The following MEGF11 variants were observed in gnomAD, a reference collection of about 807,000 sequenced individuals.
MEGF11 encodes the protein multiple epidermal growth factor-like domains protein 11.
A neutral mutation model predicts 146.6 loss-of-function variants in MEGF11; 126 were observed. That is an observed-to-expected ratio of 0.86 (90% CI 0.74 to 1.00). MEGF11 has a LOEUF of 1.00. MEGF11 is among the 50% of genes least tolerant of loss of function. The pLI is 0.00. For synonymous variants in MEGF11, 532 were observed against 583.4 expected, an observed-to-expected ratio of 0.91 and a Z score of 1.27; for missense variants, 1,509 against 1,521.2, an observed-to-expected ratio of 0.99 and a Z score of 0.13.
At chr15:66,073,611 C>G (rs1050971114) in intron 5 of MEGF11, among the ~76,000 whole-genome samples, 1 of 152,232 alleles carries the variant, frequency 6.6e-6, no homozygotes, top group Non-Finnish European at 1.5e-5. Flanking sequence ...TGGTCCTCAC[C>G]TCCTCCAAGG....
chr15:66,049,451 T>C (rs1349998863), intron 5 of MEGF11, among the ~76,000 whole-genome samples: 1 of 152,152 alleles, frequency 6.6e-6, no homozygotes, highest in Non-Finnish European at 1.5e-5. Flanking sequence ...CTGCCTTCAC[T>C]GGGGGAACTA....
rs540812559 is a variant in MEGF11, at chr15:66,212,867, G to A, written c.-9+40738C>T. Among the ~76,000 whole-genome samples the A allele has an allele frequency of 2.9e-3, 435 of 152,322 alleles. 2 individuals are homozygous for A. Among genetic ancestry groups the A allele is most frequent in the Non-Finnish European group, 4.0e-3 (269 of 68,034 alleles). On this transcript the variant is annotated intron_variant, in intron 1 of 25. Transcript: ENST00000395614. ...GCTCCAGCAGTTTACCTTAAACCAC[G>A]GAACACAGAAGGTATCCAAAGGGAG...
chr15:65,988,873 C>T (rs1235291763), intron 5 of MEGF11, among the ~76,000 whole-genome samples: 1 of 152,184 alleles, frequency 6.6e-6, no homozygotes, highest in Non-Finnish European at 1.5e-5. Flanking sequence ...CTCAGCGGGG[C>T]ACAAGAAGAG....
rs2084549697 is a variant in MEGF11, at chr15:66,053,714, A to ATTTTTTTTTTTT, written c.394+40687_394+40688insAAAAAAAAAAAA. Among the ~76,000 whole-genome samples the ATTTTTTTTTTTT allele has an allele frequency of 4.0e-4, 17 of 42,268 alleles. 8 individuals are homozygous for ATTTTTTTTTTTT. Among genetic ancestry groups the ATTTTTTTTTTTT allele is most frequent in the Admixed American group, 8.5e-4 (2 of 2,340 alleles). 27.7% of individuals were successfully genotyped at this position (42,268 alleles called of 152,430 possible). A position where few individuals can be genotyped will look rare whatever the true frequency, so the allele number is the denominator to read the frequency against. The stretch of plus-strand genomic sequence containing the variant: ...ACTCAGCTCCCCCTCCCCTGGCACC[A>ATTTTTTTTTTTT]ATTTTTTTTTTTTTTTTTTTTTTTT... On this transcript the variant is annotated intron_variant, in intron 5 of 25. Transcript: ENST00000395614.
intron 21 of MEGF11, 140 bp downstream of exon 21, chr15:65,911,942 C>A (rs2078825188): frequency 2.4e-6 from 1 of 420,578 alleles, no homozygotes; most frequent in Admixed American, 4.4e-5. Context: ...CCACGGATTG[C>A]AAGGTTGCTT....
intron 1 of MEGF11, among the ~76,000 whole-genome samples, chr15:66,209,823 C>T (rs2091398224): frequency 6.7e-6 from 1 of 149,946 alleles, no homozygotes; most frequent in South Asian, 2.1e-4. Flanking sequence ...CTTGTGGTGA[C>T]AGAAATGTTT....
chr15:66,009,240 AGT>A (rs1567200185), intron 5 of MEGF11, among the ~76,000 whole-genome samples: 1 of 61,724 alleles, frequency 1.6e-5, no homozygotes. Context: ...CGTTAACCTA[AGT>A]TTTTTTTTTT....
chr15:66,002,625 A>G (rs1224270019), intron 5 of MEGF11, among the ~76,000 whole-genome samples: 1 of 152,238 alleles, frequency 6.6e-6, no homozygotes. Context: ...TAGAATGCAA[A>G]TGATAATAGC....
At chr15:66,123,782 T>A in intron 3 of MEGF11, 117 bp downstream of exon 3, 1 of 781,048 alleles carries the variant, frequency 1.3e-6, no homozygotes, top group Non-Finnish European at 2.2e-6. Context: ...TCTTGGGTGT[T>A]CAGAGTGGAG....
At chr15:65,942,215 C>T (rs1444824157) in intron 10 of MEGF11, among the ~76,000 whole-genome samples, 2 of 152,196 alleles carry the variant, frequency 1.3e-5, no homozygotes, top group African/African-American at 4.8e-5. Flanking sequence ...ATGATGGGGA[C>T]TCAAATGTCC....
intron 10 of MEGF11, among the ~76,000 whole-genome samples, chr15:65,950,584 GACACACACACACACACACACACACAC>G (rs57977250): frequency 6.7e-6 from 1 of 148,826 alleles, no homozygotes; most frequent in Non-Finnish European, 1.5e-5. Context: ...TAGACACACA[GACACACACACACACACACACACACAC>G]ACACACACAC....
chr15:66,094,425 C>T lies in MEGF11; in HGVS notation c.371G>A (p.Trp124Ter). 2 of 1,561,920 alleles carry T rather than the reference C, an allele frequency of 1.3e-6. No homozygotes were observed. The highest frequency in any genetic ancestry group is 1.2e-5 in the South Asian group (1 of 84,656). Residue 124 changes from tryptophan to a stop codon, truncating the protein, a stop_gained, in exon 5 of 26, where the codon TGG becomes TAG. Coordinates refer to ENST00000395614, the MANE Select transcript of MEGF11 (RefSeq NM_001385028.1). LOFTEE classifies it high-confidence loss of function. ...ACCGCTGGAGCAGTCGGGCCCTCCC[C>T]AGCCAGGCTCGCAGTGGCAGGTGTC... ...SPDTCHCEPG[W>*]GGPDCSSGCD...
chr15:66,066,097 G>A (rs1355143378), intron 5 of MEGF11, among the ~76,000 whole-genome samples: 1 of 152,254 alleles, frequency 6.6e-6, no homozygotes, highest in African/African-American at 2.4e-5. Flanking sequence ...GCATTGGATA[G>A]CTCTGTGGGT....
rs1462037075 is a variant in MEGF11, at chr15:65,909,024, G to C, written c.2998+10C>G. The C allele has an allele frequency of 2.6e-5, 40 of 1,523,802 alleles. No homozygotes were observed. In the Middle Eastern group the frequency reaches 5.1e-4, roughly 19 times the overall value. 94.4% of individuals were successfully genotyped at this position (1,523,802 alleles called of 1,614,324 possible). A position where few individuals can be genotyped will look rare whatever the true frequency, so the allele number is the denominator to read the frequency against. On this transcript the variant is annotated intron_variant, in intron 23 of 25. Transcript: ENST00000395614. The stretch of plus-strand genomic sequence containing the variant: ...GCATGAGGGGGTGGAGGGTAGGGCT[G>C]GGGTCTGACCTGGTGAGTGTGGCTC...
chr15:66,245,361 C>T (rs902159176), intron 1 of MEGF11, among the ~76,000 whole-genome samples: 3 of 151,956 alleles, frequency 2.0e-5, no homozygotes, highest in Admixed American at 1.3e-4. Context: ...GGCACAGTGG[C>T]GCACTCCTGT....
chr15:66,228,746 T>C (rs538509955), intron 1 of MEGF11, among the ~76,000 whole-genome samples: 20 of 152,322 alleles, frequency 1.3e-4, no homozygotes, highest in Middle Eastern at 3.4e-3. Flanking sequence ...TGCTTCCCTC[T>C]GCTCCAGGCC....
chr15:66,102,992 A>G (rs1425253003), intron 4 of MEGF11, among the ~76,000 whole-genome samples: 1 of 152,244 alleles, frequency 6.6e-6, no homozygotes, highest in East Asian at 1.9e-4. Context: ...CCTTTTCACA[A>G]GTGGAAAGCA....
At chr15:66,076,805 C>G (rs951883160) in intron 5 of MEGF11, among the ~76,000 whole-genome samples, 1 of 152,192 alleles carries the variant, frequency 6.6e-6, no homozygotes, top group East Asian at 1.9e-4. Context: ...CAATCTCCCC[C>G]CATCCAATCT....
chr15:66,127,891 T>G (rs1214958560), intron 2 of MEGF11, among the ~76,000 whole-genome samples: 1 of 152,160 alleles, frequency 6.6e-6, no homozygotes. Flanking sequence ...ACATCCAAGC[T>G]GCCACGGGGC....
Sources: gnomAD v4.1 joint callset for allele counts (sites outside exome capture counted in the v4.1 genomes callset) on GRCh38, gnomAD v4.1.1 for gene constraint, MANE v1.5 for transcripts, NCBI Gene and HGNC (gene_info 2026-07-23, HGNC 2026-07-21) for gene names.